Variants in DNAH17 observed in about 807,000 individuals in gnomAD.
DNAH17 encodes dynein axonemal heavy chain 17.
DNAH17 carries 376 observed loss-of-function variants against 485.6 expected under a neutral mutation model. The observed-to-expected ratio is 0.77, with a 90% confidence interval of 0.71 to 0.84. The LOEUF (loss-of-function observed/expected upper bound fraction) is 0.84, where lower values mean the gene tolerates loss of function less well. DNAH17 is among the 40% of genes least tolerant of loss of function. The probability of loss-of-function intolerance (pLI) is 0.00; values close to 1 mark genes in which losing one functional copy is unlikely to be tolerated. For missense variants in DNAH17, 6,370 were observed against 5,839.3 expected, an observed-to-expected ratio of 1.09 and a Z score of -2.96; for synonymous variants, 3,031 against 2,405.9, an observed-to-expected ratio of 1.26 and a Z score of -7.60.
At chr17:78,476,537 T>G in intron 52 of DNAH17, 35 bp downstream of exon 52, 1 of 1,587,248 alleles carries the variant, frequency 6.3e-7, no homozygotes, top group Non-Finnish European at 8.6e-7. Context: ...GGAGCCATTC[T>G]GGGCTCGGCA....
chr17:78,429,355 A>G, intron 75 of DNAH17, 55 bp from the exon 76 acceptor site: 2 of 1,566,500 alleles, frequency 1.3e-6, no homozygotes, highest in South Asian at 1.1e-5. Context: ...CTTCTCTGCC[A>G]TGAGAGGGTC....
intron 13 of DNAH17, among the ~76,000 whole-genome samples, chr17:78,559,103 G>A (rs900699811): frequency 7.2e-5 from 11 of 152,194 alleles, no homozygotes; most frequent in South Asian, 2.1e-4. Context: ...GTCATCCAAC[G>A]TTATAGCTGC....
chr17:78,448,623 A>AAACCAACAT (rs1375393356), intron 69 of DNAH17, among the ~76,000 whole-genome samples: 3 of 152,226 alleles, frequency 2.0e-5, no homozygotes, highest in Admixed American at 6.5e-5. Flanking sequence ...CTATGGTTTG[A>AAACCAACAT]ATGTGTTCCC....
chr17:78,483,758 G>A (rs934243676), intron 48 of DNAH17, among the ~76,000 whole-genome samples: 1 of 152,128 alleles, frequency 6.6e-6, no homozygotes, highest in Non-Finnish European at 1.5e-5. Flanking sequence ...TGAACGAGCA[G>A]ACTAGTTTCT....
chr17:78,459,525 G>A lies in DNAH17; in HGVS notation c.9653+259C>T, dbSNP rs114930521. 7.4e-3 allele frequency among the ~76,000 whole-genome samples: 1,120 copies of A among 152,356 alleles called. 13 individuals carry two copies. Among genetic ancestry groups the A allele is most frequent in the African/African-American group, 0.025 (1,047 of 41,582 alleles). On this transcript the variant is annotated intron_variant, in intron 60 of 80. Coordinates refer to ENST00000389840, the MANE Select transcript of DNAH17 (RefSeq NM_173628.4). Reference sequence around the variant, plus strand: ...CGGTATTCGTGTGTGCAATGCATGTGCTCGTGTGGTCAGCTGCTCTCACAG... The same window carrying A: ...CGGTATTCGTGTGTGCAATGCATGTACTCGTGTGGTCAGCTGCTCTCACAG...
At chr17:78,480,597 C>T in intron 49 of DNAH17, 87 bp downstream of exon 49, 1 of 1,186,942 alleles carries the variant, frequency 8.4e-7, no homozygotes, top group Non-Finnish European at 1.2e-6. Flanking sequence ...AGCCCTAACA[C>T]CCTAAACCAA....
intron 77 of DNAH17, 163 bp downstream of exon 77, chr17:78,428,362 C>A (rs1371131804): frequency 1.2e-6 from 1 of 831,728 alleles, no homozygotes; most frequent in East Asian, 2.7e-5. Context: ...TGCTGACCAG[C>A]CTGCGGGCCA....
At chr17:78,510,346 TC>T (rs1379818820) in intron 27 of DNAH17, 37 bp downstream of exon 27, 4 of 1,603,874 alleles carry the variant, frequency 2.5e-6, no homozygotes, top group Non-Finnish European at 3.4e-6. Flanking sequence ...TTCAGGCTGA[TC>T]CCACGTTGCA....
intron 19 of DNAH17, among the ~76,000 whole-genome samples, chr17:78,536,285 T>TA (rs113161704): frequency 0.039 from 5,910 of 150,624 alleles, 329 homozygotes; most frequent in African/African-American, 0.12. Context: ...TAAAAATATA[T>TA]AAAAAAAAAG....
intron 48 of DNAH17, among the ~76,000 whole-genome samples, chr17:78,483,080 G>A (rs1011779369): frequency 6.6e-6 from 1 of 152,054 alleles, no homozygotes; most frequent in Non-Finnish European, 1.5e-5. Context: ...GCATGCACCT[G>A]TCCTCCTCTC....
chr17:78,479,698 C>T lies in DNAH17; in HGVS notation c.7753-66G>A, dbSNP rs2089264428. 2.4e-5 allele frequency: 38 copies of T among 1,596,044 alleles called. No individual in the cohort carries two copies. In the South Asian group the frequency reaches 4.2e-4, roughly 18 times the overall value. On this transcript the variant is annotated intron_variant, in intron 49 of 80. Coordinates refer to ENST00000389840, the MANE Select transcript of DNAH17 (RefSeq NM_173628.4). ...GGGGACCTGCCTGGGGCCAGGGCCA[C>T]CTTCGCGGGAGAGTGGCCCCTGTCC...
intron 58 of DNAH17, among the ~76,000 whole-genome samples, chr17:78,461,240 G>A (rs993134267): frequency 2.0e-5 from 3 of 152,208 alleles, no homozygotes; most frequent in African/African-American, 7.2e-5. Context: ...GCAGAGCTGA[G>A]CTGGAGCCCG....
intron 5 of DNAH17, 76 bp from the exon 6 acceptor site, chr17:78,571,109 G>T: frequency 7.2e-7 from 1 of 1,397,432 alleles, no homozygotes; most frequent in Non-Finnish European, 9.9e-7. Context: ...GCGGCTCCAT[G>T]TGCTGAGACC....
rs199854936 is a variant in DNAH17, at chr17:78,539,777, C to T, written c.2636G>A (p.Arg879His). ...MVLDEFDQFI[R>H]KSLSFLMDNM... is the part of the protein sequence containing the mutation. ...GTCCATTAGGAAACTCAGAGATTTG[C>T]GAATGAACTGGTCAAATTCATCTAA... The change falls in exon 18 of 81, where the codon CGC (arginine) becomes CAC (histidine). Residue 879 changes from arginine (R) to histidine (H), a missense_variant. Coordinates refer to ENST00000389840, the MANE Select transcript of DNAH17 (RefSeq NM_173628.4). 150 of 1,611,324 alleles carry T rather than the reference C, an allele frequency of 9.3e-5. No homozygotes were observed. The highest frequency in any genetic ancestry group is 1.1e-4 in the Non-Finnish European group (135 of 1,179,384).
At chr17:78,477,930 T>C (rs112167360) in intron 51 of DNAH17, among the ~76,000 whole-genome samples, 24 of 145,654 alleles carry the variant, frequency 1.6e-4, no homozygotes, top group South Asian at 8.7e-4. Context: ...ATCACCACCA[T>C]CATCACCACC....
In DNAH17 at chr17:78,527,935, C is replaced by T. The variant is rs138715463; in HGVS notation, c.3508-939G>A. Among the ~76,000 whole-genome samples, 549 of 152,176 alleles carry T rather than the reference C, an allele frequency of 3.6e-3. 5 individuals are homozygous for T. The highest frequency in any genetic ancestry group is 0.012 in the African/African-American group (518 of 41,510). On this transcript the variant is annotated intron_variant, in intron 22 of 80. Coordinates refer to ENST00000389840, the MANE Select transcript of DNAH17 (RefSeq NM_173628.4). ...CTAGGATTACAGGCGCCTGCCACCACGCCTGGCTAATTTTTAAATTTTTAG... is the reference window on the plus strand; with the variant it reads ...CTAGGATTACAGGCGCCTGCCACCATGCCTGGCTAATTTTTAAATTTTTAG...
chr17:78,428,314 C>T (rs990408856), intron 77 of DNAH17: 106 of 631,050 alleles, frequency 1.7e-4, no homozygotes, highest in African/African-American at 7.2e-5. Context: ...TGGGCCCGTA[C>T]GCTCACCCGA....
At chr17:78,525,281 G>A in intron 24 of DNAH17, 120 bp from the exon 25 acceptor site, 1 of 1,399,776 alleles carries the variant, frequency 7.1e-7, no homozygotes, top group Admixed American at 2.2e-5. Context: ...CTGGGAGGAG[G>A]TGTCCATACA....
intron 25 of DNAH17, among the ~76,000 whole-genome samples, chr17:78,516,079 A>T (rs6416834): frequency 0.62 from 94,024 of 152,018 alleles, 29,463 homozygotes; most frequent in East Asian, 0.86. Flanking sequence ...GAAACATCTG[A>T]GCTTGAGAAC....
Sources: allele counts gnomAD v4.1 joint callset (sites outside exome capture counted in the v4.1 genomes callset), GRCh38; gene constraint gnomAD v4.1.1; transcripts MANE v1.5; gene names NCBI Gene and HGNC (gene_info 2026-07-23, HGNC 2026-07-21).